Variants in PRELID2 observed in about 807,000 individuals in gnomAD.
PRELID2 encodes the protein PRELI domain-containing protein 2.
A neutral mutation model predicts 28.4 loss-of-function variants in PRELID2; 25 were observed. The observed-to-expected ratio is 0.88, with a 90% CI of 0.64 to 1.23. The LOEUF is 1.23. Ranked by LOEUF, PRELID2 falls within the 50% of genes most tolerant of loss-of-function variation. The pLI is 0.00. For synonymous variants in PRELID2, 76 were observed against 71.6 expected (o/e 1.06, Z -0.31); for missense variants, 201 against 214.4 (o/e 0.94, Z 0.39).
intron 1 of PRELID2, among the ~76,000 whole-genome samples, chr5:145,665,322 G>T (rs1026211243): frequency 1.3e-5 from 2 of 152,066 alleles, no homozygotes; most frequent in African/African-American, 2.4e-5. Context: ...GGCAATCGCT[G>T]TCTGGAACAC....
At chr5:145,551,994 G>A (rs1469437686) in intron 1 of PRELID2, among the ~76,000 whole-genome samples, 2 of 152,038 alleles carry the variant, frequency 1.3e-5, no homozygotes, top group Non-Finnish European at 2.9e-5. Context: ...CCTGAAACTG[G>A]AGAGCTCACT....
At chr5:145,798,551 C>T (rs1752915556) in intron 4 of PRELID2, among the ~76,000 whole-genome samples, 1 of 152,174 alleles carries the variant, frequency 6.6e-6, no homozygotes, top group African/African-American at 2.4e-5. Flanking sequence ...ATAAATCATG[C>T]TACTATAAAG....
intron 1 of PRELID2, among the ~76,000 whole-genome samples, chr5:145,520,410 C>G (rs183250999): frequency 5.3e-5 from 8 of 152,294 alleles, no homozygotes; most frequent in Admixed American, 5.2e-4. Flanking sequence ...AAGTATCCGT[C>G]AGGTCTCATC....
chr5:145,550,272 C>T (rs907200922), intron 1 of PRELID2, among the ~76,000 whole-genome samples: 3 of 152,136 alleles, frequency 2.0e-5, no homozygotes, highest in African/African-American at 4.8e-5. Context: ...TGAGAAACAA[C>T]AGGAGAGCCT....
chr5:145,594,893 C>T (rs977270471), intron 1 of PRELID2, among the ~76,000 whole-genome samples: 22 of 151,992 alleles, frequency 1.4e-4, no homozygotes, highest in African/African-American at 4.1e-4. Context: ...TTTGGGAGGC[C>T]GAGGTGGGCA....
the PRELID2 span, among the ~76,000 whole-genome samples, chr5:145,407,089 G>A: frequency 3.3e-5 from 5 of 152,270 alleles, no homozygotes; most frequent in South Asian, 1.0e-3. Context: ...CTGAAGCCAG[G>A]ATTGGGGAGC....
At chr5:145,487,713 C>T (rs35294211) in intron 1 of PRELID2, among the ~76,000 whole-genome samples, 31,519 of 152,088 alleles carry the variant, frequency 0.21, 3,701 homozygotes, top group South Asian at 0.36. Flanking sequence ...CTCTGTCTTC[C>T]CCCATTTTTT....
the PRELID2 span, among the ~76,000 whole-genome samples, chr5:145,291,338 A>G: frequency 2.6e-3 from 260 of 101,142 alleles, 1 homozygote; most frequent in African/African-American, 0.015. Context: ...TCTGTTTCAG[A>G]AAAAAAAAAA....
the PRELID2 span, among the ~76,000 whole-genome samples, chr5:145,441,532 T>C: frequency 3.9e-5 from 6 of 152,260 alleles, no homozygotes; most frequent in East Asian, 5.8e-4. Context: ...ATTGTCATCA[T>C]TGAAATTATA....
At chr5:145,491,706 C>T (rs913553223) in intron 1 of PRELID2, among the ~76,000 whole-genome samples, 1 of 151,878 alleles carries the variant, frequency 6.6e-6, no homozygotes, top group Non-Finnish European at 1.5e-5. Flanking sequence ...TGTAACCCCC[C>T]CAGTACCCCC....
At chr5:145,739,846 C>T (rs1331035240) in intron 1 of PRELID2, among the ~76,000 whole-genome samples, 1 of 150,626 alleles carries the variant, frequency 6.6e-6, no homozygotes, top group African/African-American at 2.4e-5. Context: ...CTGTACAAAA[C>T]AATTTACTCA....
the PRELID2 span, among the ~76,000 whole-genome samples, chr5:145,310,070 C>G: frequency 6.6e-6 from 1 of 152,190 alleles, no homozygotes; most frequent in Non-Finnish European, 1.5e-5. Flanking sequence ...TAGTCTGTCT[C>G]TAACTATTCT....
At chr5:145,513,070 T>A (rs1470955313) in intron 1 of PRELID2, among the ~76,000 whole-genome samples, 1 of 151,970 alleles carries the variant, frequency 6.6e-6, no homozygotes, top group African/African-American at 2.4e-5. Context: ...AAAACCAGAA[T>A]GCCTCTTCTC....
chr5:145,818,829 G>A (rs751246940), intron 3 of PRELID2, among the ~76,000 whole-genome samples: 2 of 152,126 alleles, frequency 1.3e-5, no homozygotes, highest in South Asian at 2.1e-4. Context: ...CAAGCTAATC[G>A]GCAGGAGCCA....
intron 4 of PRELID2, among the ~76,000 whole-genome samples, chr5:145,804,011 A>C (rs1753328707): frequency 6.6e-6 from 1 of 151,960 alleles, no homozygotes; most frequent in Non-Finnish European, 1.5e-5. Context: ...TCCTTCTCTG[A>C]CCTCCTCTCC....
chr5:145,628,141 C>T (rs943029628), intron 1 of PRELID2, among the ~76,000 whole-genome samples: 6 of 152,022 alleles, frequency 3.9e-5, no homozygotes, highest in Non-Finnish European at 7.4e-5. Flanking sequence ...CCAAAATATA[C>T]TCTCTCTATA....
chr5:145,467,175 C>T (rs1253167788), downstream of PRELID2, among the ~76,000 whole-genome samples: 1 of 152,114 alleles, frequency 6.6e-6, no homozygotes, highest in Admixed American at 6.6e-5. Flanking sequence ...GTTATCATGA[C>T]AATCCATAAC....
intron 2 of PRELID2, among the ~76,000 whole-genome samples, chr5:145,820,301 A>G (rs1246651676): frequency 6.6e-6 from 1 of 152,092 alleles, no homozygotes; most frequent in Admixed American, 6.6e-5. Flanking sequence ...CTCAAAATTC[A>G]GTTTCCCTGA....
At chr5:145,343,547 T>C in the PRELID2 span, among the ~76,000 whole-genome samples, 1 of 150,852 alleles carries the variant, frequency 6.6e-6, no homozygotes, top group Non-Finnish European at 1.5e-5. Context: ...TAGCAAAAAA[T>C]GCCTACATCA....
Sources: allele counts gnomAD v4.1 joint callset (sites outside exome capture counted in the v4.1 genomes callset), GRCh38; gene constraint gnomAD v4.1.1; transcripts MANE v1.5; gene names NCBI Gene and HGNC (gene_info 2026-07-23, HGNC 2026-07-21).